Variants in ADGB observed in about 807,000 individuals in gnomAD.
ADGB encodes calpain-7-like protein.
A neutral mutation model predicts 210.5 loss-of-function variants in ADGB; 172 were observed. The observed-to-expected ratio is 0.82, with a 90% CI of 0.72 to 0.93. The LOEUF is 0.93. ADGB is among the 40% of genes least tolerant of loss of function. The pLI is 0.00. For synonymous variants in ADGB, 658 were observed against 662.7 expected (o/e 0.99, Z 0.11); for missense variants, 2,025 against 1,964.8 (o/e 1.03, Z -0.58).
intron 29 of ADGB, 112 bp from the exon 30 acceptor site, chr6:146,781,908 A>C (rs1777805770): frequency 1.3e-6 from 1 of 757,520 alleles, no homozygotes; most frequent in African/African-American, 1.8e-5. Context: ...GATTGAAAAA[A>C]TACAAATCTA....
rs114962862 is a variant in ADGB at position 146,782,827 on chromosome 6, A to G, written c.4035+635A>G. ...GGGTAAGGAAAAGGATGTGGATGGCAAACTTGAGGAGTACAAGCACAGGCC... is the reference window on the plus strand; with the variant it reads ...GGGTAAGGAAAAGGATGTGGATGGCGAACTTGAGGAGTACAAGCACAGGCC... On this transcript the variant is annotated intron_variant, in intron 30 of 35. Coordinates refer to ENST00000397944, the MANE Select transcript of ADGB (RefSeq NM_024694.4). 6.4e-3 allele frequency among the ~76,000 whole-genome samples: 979 copies of G among 152,270 alleles called. 7 individuals carry two copies. Among genetic ancestry groups the G allele is most frequent in the African/African-American group, 0.022 (924 of 41,544 alleles).
At chr6:146,648,486 A>G (rs1206220759) in intron 3 of ADGB, among the ~76,000 whole-genome samples, 1 of 152,158 alleles carries the variant, frequency 6.6e-6, no homozygotes, top group Non-Finnish European at 1.5e-5. Context: ...CAGGAAATTT[A>G]CAATCATGGC....
intron 19 of ADGB, among the ~76,000 whole-genome samples, 174 bp from the exon 20 acceptor site, chr6:146,728,400 T>C (rs1248049387): frequency 6.6e-6 from 1 of 152,202 alleles, no homozygotes; most frequent in African/African-American, 2.4e-5. Context: ...AGAATTGCGT[T>C]CCTTGTTTTT....
chr6:146,731,737 G>A (rs552685591), intron 20 of ADGB, among the ~76,000 whole-genome samples: 8 of 151,976 alleles, frequency 5.3e-5, no homozygotes, highest in Non-Finnish European at 4.4e-5. Context: ...AAGATGAGAG[G>A]CCCAAAGCAA....
chr6:146,736,265 T>G (rs2114591733), intron 22 of ADGB, among the ~76,000 whole-genome samples: 1 of 152,292 alleles, frequency 6.6e-6, no homozygotes, highest in Admixed American at 6.5e-5. Flanking sequence ...AGCAATATTC[T>G]AAAACTTTAA....
intron 33 of ADGB, among the ~76,000 whole-genome samples, chr6:146,791,825 A>T (rs1777960001): frequency 6.6e-6 from 1 of 151,534 alleles, no homozygotes; most frequent in South Asian, 2.1e-4. Context: ...GTGGCACAAT[A>T]ACAGCTCATT....
intron 1 of ADGB, among the ~76,000 whole-genome samples, chr6:146,599,390 G>C (rs926194165): frequency 6.6e-6 from 1 of 152,010 alleles, no homozygotes; most frequent in African/African-American, 2.4e-5. Context: ...CTTCTTCATA[G>C]CCCTCTCAGG....
At chr6:146,702,565 T>C (rs889534420) in intron 13 of ADGB, among the ~76,000 whole-genome samples, 2 of 151,924 alleles carry the variant, frequency 1.3e-5, no homozygotes, top group African/African-American at 4.8e-5. Context: ...TCAGGATTTT[T>C]TAATGTAAAT....
At position 146,685,844 on chromosome 6, in the gene ADGB, T is replaced by G; in HGVS notation, c.1311+16T>G. 7 of 1,474,726 alleles carry G rather than the reference T, an allele frequency of 4.7e-6. No individual in the cohort carries two copies. The highest frequency in any genetic ancestry group is 6.4e-6 in the Non-Finnish European group (7 of 1,088,296). The allele number at this position is 1,474,726 out of a possible 1,614,324, so 91.4% of individuals were successfully genotyped here. A position where few individuals can be genotyped will look rare whatever the true frequency, so the allele number is the denominator to read the frequency against. On this transcript the variant is annotated intron_variant, in intron 10 of 35. Coordinates refer to ENST00000397944, the MANE Select transcript of ADGB (RefSeq NM_024694.4). Reference sequence around the variant, plus strand: ...AGAGAAGATGGTAAGCATTCAAGCTTAGGAAACAGTATTATTTATTTTGTG... The same window carrying G: ...AGAGAAGATGGTAAGCATTCAAGCTGAGGAAACAGTATTATTTATTTTGTG...
At chr6:146,621,742 CA>C (rs955967638) in intron 1 of ADGB, among the ~76,000 whole-genome samples, 21 of 152,232 alleles carry the variant, frequency 1.4e-4, no homozygotes, top group African/African-American at 5.1e-4. Flanking sequence ...TGCTGTCACT[CA>C]TAATTATTTT....
At chr6:146,741,066 A>G (rs1489578059) in intron 24 of ADGB, 52 bp from the exon 25 acceptor site, 1 of 1,372,166 alleles carries the variant, frequency 7.3e-7, no homozygotes, top group Non-Finnish European at 9.5e-7. Flanking sequence ...CAAATTTCAA[A>G]CTTCCTTTAA....
intron 29 of ADGB, among the ~76,000 whole-genome samples, chr6:146,778,202 G>T (rs73786769): frequency 0.042 from 6,385 of 152,212 alleles, 411 homozygotes; most frequent in African/African-American, 0.15. Flanking sequence ...GGGACCAGAA[G>T]CTGAAGTTGT....
rs141860265 is a variant in ADGB, at chr6:146,763,219, T to C, written c.3551-682T>C. 5.0e-3 allele frequency among the ~76,000 whole-genome samples: 754 copies of C among 152,302 alleles called. 2 individuals carry two copies. The highest frequency in any genetic ancestry group is 5.6e-3 in the Non-Finnish European group (381 of 68,026). On this transcript the variant is annotated intron_variant, in intron 27 of 35. Coordinates refer to ENST00000397944, the MANE Select transcript of ADGB (RefSeq NM_024694.4). Reference sequence around the variant, plus strand: ...TCAAGGATCACAATCCTGGGCTGTATATTTTCCGGTGGCTAAAAATAGTTG... The same window carrying C: ...TCAAGGATCACAATCCTGGGCTGTACATTTTCCGGTGGCTAAAAATAGTTG...
intron 29 of ADGB, among the ~76,000 whole-genome samples, chr6:146,771,079 T>G (rs1777643980): frequency 1.3e-5 from 2 of 152,084 alleles, no homozygotes; most frequent in Non-Finnish European, 2.9e-5. Flanking sequence ...AAATGTCATA[T>G]GAAAGCCGCA....
intron 28 of ADGB, among the ~76,000 whole-genome samples, chr6:146,765,700 A>T (rs1777562953): frequency 6.6e-6 from 1 of 151,706 alleles, no homozygotes; most frequent in African/African-American, 2.4e-5. Context: ...TGTAAACAAC[A>T]TCTAAAATAG....
chr6:146,776,135 A>T (rs1777718021), intron 29 of ADGB, among the ~76,000 whole-genome samples: 2 of 152,138 alleles, frequency 1.3e-5, no homozygotes, highest in Admixed American at 1.3e-4. Context: ...CATTTCATCA[A>T]CAAAATACTC....
rs567095210 is a variant in ADGB, at chr6:146,801,965, G to A, written c.4772G>A (p.Arg1591Gln). 1.4e-4 allele frequency: 218 copies of A among 1,550,034 alleles called. No individual in the cohort carries two copies. The highest frequency in any genetic ancestry group is 1.7e-4 in the Non-Finnish European group (198 of 1,146,354). ...LSIRNIDQEERLKLKDEVLDM... is the reference protein window; with the variant it reads ...LSIRNIDQEEQLKLKDEVLDM... ...ATTCGAAACATTGACCAAGAAGAGC[G>A]GTTGAAGTTAAAGGATGAAGTCCTG... The change falls in exon 35 of 36, where the codon CGG becomes CAG. Residue 1591 changes from arginine to glutamine, a missense_variant. Transcript: ENST00000397944.
At chr6:146,783,345 T>A (rs771803753) in intron 30 of ADGB, among the ~76,000 whole-genome samples, 4 of 152,042 alleles carry the variant, frequency 2.6e-5, no homozygotes, top group Non-Finnish European at 5.9e-5. Context: ...CCAGGAATGG[T>A]TCCTATAGAT....
At chr6:146,791,169 G>A (rs1777949119) in intron 33 of ADGB, among the ~76,000 whole-genome samples, 1 of 151,914 alleles carries the variant, frequency 6.6e-6, no homozygotes, top group South Asian at 2.1e-4. Flanking sequence ...TGTTTCATTT[G>A]CACAGCAAAG....
Sources: gnomAD v4.1 joint callset for allele counts (sites outside exome capture counted in the v4.1 genomes callset) on GRCh38, gnomAD v4.1.1 for gene constraint, MANE v1.5 for transcripts, NCBI Gene and HGNC (gene_info 2026-07-23, HGNC 2026-07-21) for gene names.